Variants in NTRK2 observed in about 807,000 individuals in gnomAD.
NTRK2 encodes neurotrophic receptor tyrosine kinase 2, also known as BDNF/NT-3 growth factors receptor.
NTRK2 carries 13 observed loss-of-function variants against 94.5 expected under a neutral mutation model. The ratio of observed to expected loss-of-function variants is 0.14; its 90% CI spans 0.09 to 0.22. NTRK2 has a LOEUF of 0.22. NTRK2 is among the 10% of genes least tolerant of loss of function. The pLI, the probability that NTRK2 is intolerant of heterozygous loss-of-function variation, is 1.00. For synonymous variants in NTRK2, 372 were observed against 407.4 expected, an observed-to-expected ratio of 0.91 and a Z score of 1.05; for missense variants, 639 against 1,071.2, an observed-to-expected ratio of 0.60 and a Z score of 5.63.
At chr9:84,783,668 AAG>A (rs2067834759) in intron 12 of NTRK2, among the ~76,000 whole-genome samples, 1 of 151,920 alleles carries the variant, frequency 6.6e-6, no homozygotes, top group East Asian at 1.9e-4. Flanking sequence ...GAGCATGGAG[AAG>A]AGAGAGGGAT....
At chr9:84,695,276 T>C (rs1194602819) in intron 2 of NTRK2, among the ~76,000 whole-genome samples, 2 of 152,166 alleles carry the variant, frequency 1.3e-5, no homozygotes, top group African/African-American at 2.4e-5. Flanking sequence ...GAATTTTTCT[T>C]TTGAGTAATA....
At chr9:84,856,172 A>T (rs1005280953) in intron 12 of NTRK2, among the ~76,000 whole-genome samples, 1 of 152,172 alleles carries the variant, frequency 6.6e-6, no homozygotes, top group Admixed American at 6.5e-5. Flanking sequence ...TGTAAGTTTG[A>T]TGAAGGACAA....
At chr9:84,779,611 G>A (rs909042755) in intron 12 of NTRK2, among the ~76,000 whole-genome samples, 5 of 152,180 alleles carry the variant, frequency 3.3e-5, no homozygotes, top group African/African-American at 1.2e-4. Context: ...GGTGTGCTAT[G>A]TCATGCCGTA....
At chr9:84,801,313 T>C (rs1588695359) in intron 12 of NTRK2, among the ~76,000 whole-genome samples, 1 of 152,354 alleles carries the variant, frequency 6.6e-6, no homozygotes, top group East Asian at 1.9e-4. Flanking sequence ...GTGGGTTTCT[T>C]TCAGGCATCA....
intron 2 of NTRK2, among the ~76,000 whole-genome samples, chr9:84,680,481 G>T (rs144767548): frequency 6.6e-6 from 1 of 152,304 alleles, no homozygotes; most frequent in African/African-American, 2.4e-5. Context: ...CAGTTACGAT[G>T]GAAGGGCTGG....
intron 15 of NTRK2, among the ~76,000 whole-genome samples, chr9:84,935,515 A>G (rs1328738058): frequency 6.6e-6 from 1 of 152,226 alleles, no homozygotes; most frequent in African/African-American, 2.4e-5. Flanking sequence ...GAAGACTCCT[A>G]AACTCTGCAC....
At chr9:84,781,079 T>C (rs768777646) in intron 12 of NTRK2, among the ~76,000 whole-genome samples, 6 of 152,230 alleles carry the variant, frequency 3.9e-5, no homozygotes, top group Non-Finnish European at 7.3e-5. Flanking sequence ...AGTCTTTGTA[T>C]GTTCCATTGT....
At chr9:84,741,646 A>ATTT (rs1330923508) in intron 9 of NTRK2, among the ~76,000 whole-genome samples, 1 of 152,224 alleles carries the variant, frequency 6.6e-6, no homozygotes, top group African/African-American at 2.4e-5. Flanking sequence ...TTTCAAAGCA[A>ATTT]TTTGTGATCT....
chr9:84,795,082 G>A (rs1409302579), intron 12 of NTRK2, among the ~76,000 whole-genome samples: 1 of 152,152 alleles, frequency 6.6e-6, no homozygotes, highest in African/African-American at 2.4e-5. Context: ...GTCGTTTCCA[G>A]GTGAATTGGT....
chr9:84,806,941 G>A (rs1428937157), intron 12 of NTRK2, among the ~76,000 whole-genome samples: 1 of 152,224 alleles, frequency 6.6e-6, no homozygotes, highest in Non-Finnish European at 1.5e-5. Flanking sequence ...TCCAATGAAG[G>A]TGAGCTGCTA....
At chr9:84,925,576 C>T (rs1301871593) in intron 14 of NTRK2, among the ~76,000 whole-genome samples, 13 of 152,246 alleles carry the variant, frequency 8.5e-5, no homozygotes, top group Non-Finnish European at 1.9e-4. Flanking sequence ...TGGTGACATC[C>T]TCTGTACCAT....
At chr9:84,773,826 T>C (rs2132882896) in intron 12 of NTRK2, among the ~76,000 whole-genome samples, 1 of 152,254 alleles carries the variant, frequency 6.6e-6, no homozygotes, top group South Asian at 2.1e-4. Context: ...TTCAATTGAG[T>C]CCCTACTCTG....
intron 17 of NTRK2, among the ~76,000 whole-genome samples, chr9:84,997,787 G>C (rs1417710950): frequency 6.6e-6 from 1 of 152,146 alleles, no homozygotes; most frequent in Non-Finnish European, 1.5e-5. Flanking sequence ...GTGGGGCTGG[G>C]GGGTGTTCAG....
At chr9:84,686,940 A>G (rs991136032) in intron 2 of NTRK2, among the ~76,000 whole-genome samples, 5 of 152,240 alleles carry the variant, frequency 3.3e-5, no homozygotes. Context: ...AATATAAATC[A>G]TATCTATTGA....
intron 9 of NTRK2, among the ~76,000 whole-genome samples, chr9:84,738,532 A>G (rs1215560372): frequency 2.0e-5 from 3 of 152,242 alleles, no homozygotes; most frequent in African/African-American, 7.2e-5. Context: ...CAGCATTTAA[A>G]ATGATGTTAA....
At chr9:84,803,675 C>T (rs1042649709) in intron 12 of NTRK2, among the ~76,000 whole-genome samples, 2 of 152,210 alleles carry the variant, frequency 1.3e-5, no homozygotes, top group African/African-American at 4.8e-5. Flanking sequence ...TGTTGGCCTA[C>T]CTTCCAAGAA....
intron 14 of NTRK2, chr9:84,874,138 C>G (rs200329018): frequency 9.4e-7 from 1 of 1,065,014 alleles, no homozygotes; most frequent in East Asian, 5.0e-5. Flanking sequence ...GCTACGCCCC[C>G]ATTTTGGTTT....
intron 12 of NTRK2, among the ~76,000 whole-genome samples, chr9:84,841,840 A>T (rs1231434404): frequency 2.0e-5 from 3 of 152,206 alleles, no homozygotes; most frequent in African/African-American, 7.2e-5. Flanking sequence ...ACTTGTCCTA[A>T]AACAGTTCAT....
intron 14 of NTRK2, chr9:84,877,605 G>A (rs978111681): frequency 9.4e-6 from 10 of 1,065,738 alleles, no homozygotes; most frequent in Non-Finnish European, 1.1e-5. Context: ...GCTGCACCAT[G>A]TTGGGCTGCG....
Sources: allele counts gnomAD v4.1 joint callset (sites outside exome capture counted in the v4.1 genomes callset), GRCh38; gene constraint gnomAD v4.1.1; transcripts MANE v1.5; gene names NCBI Gene and HGNC (gene_info 2026-07-23, HGNC 2026-07-21).